Variants in MSRA observed in about 807,000 individuals in gnomAD.
The protein encoded by MSRA is methionine sulfoxide reductase A, also known as mitochondrial peptide methionine sulfoxide reductase.
A neutral mutation model predicts 31.3 loss-of-function variants in MSRA; 54 were observed. The observed-to-expected ratio is 1.73, with a 90% confidence interval of 1.39 to 2.17. MSRA has a LOEUF of 2.17. Among genes scored for constraint, MSRA ranks in the 30% most tolerant of loss-of-function variants. MSRA has a pLI of 0.00. For synonymous variants in MSRA, 169 were observed against 116.5 expected (o/e 1.45, Z -2.90); for missense variants, 507 against 300.9 (o/e 1.69, Z -5.07).
intron 2 of MSRA, among the ~76,000 whole-genome samples, chr8:10,228,565 A>G (rs927228078): frequency 2.6e-5 from 4 of 152,194 alleles, no homozygotes; most frequent in Non-Finnish European, 5.9e-5. Context: ...GGAGGCTGTT[A>G]ATTCAGCTTG....
rs1278410702 is a variant in MSRA at position 10,245,199 on chromosome 8, C to T, written c.307C>T (p.Pro103Ser). The T allele has an allele frequency of 6.2e-7, 1 of 1,612,946 alleles. No individual in the cohort carries two copies. Among genetic ancestry groups the T allele is most frequent in the Non-Finnish European group, 8.5e-7 (1 of 1,179,554 alleles). ...TTTTGCAGGAGGCTATACTTCAAAT[C>T]CTACTTATAAAGAAGTCTGCTCAGG... ...VGFAGGYTSNPTYKEVCSEKT... is the reference protein window; with the variant it reads ...VGFAGGYTSNSTYKEVCSEKT... The change falls in exon 3 of 6, where the codon CCT becomes TCT. Residue 103 changes from proline to serine, a missense_variant. Physicochemically the swap from Pro to Ser is moderately conservative, Grantham distance 74 (BLOSUM62 -1). Coordinates refer to ENST00000317173, the MANE Select transcript of MSRA (RefSeq NM_012331.5).
intron 1 of MSRA, among the ~76,000 whole-genome samples, chr8:10,072,375 A>G (rs1430137286): frequency 2.0e-5 from 3 of 150,640 alleles, no homozygotes; most frequent in South Asian, 2.1e-4. Flanking sequence ...TCCTTTCTCC[A>G]TTGATTTGCT....
intron 5 of MSRA, among the ~76,000 whole-genome samples, chr8:10,405,737 G>A (rs1055487748): frequency 5.9e-5 from 9 of 151,938 alleles, no homozygotes; most frequent in African/African-American, 1.9e-4. Flanking sequence ...AATCACACAC[G>A]TGTGTTCACA....
chr8:10,120,387 T>A (rs1348502886), intron 1 of MSRA, among the ~76,000 whole-genome samples: 2 of 152,182 alleles, frequency 1.3e-5, no homozygotes, highest in Non-Finnish European at 2.9e-5. Context: ...GACCTGTAAT[T>A]TGCCCATCCG....
At chr8:10,172,773 C>T (rs1204087251) in intron 1 of MSRA, among the ~76,000 whole-genome samples, 2 of 152,196 alleles carry the variant, frequency 1.3e-5, no homozygotes, top group Non-Finnish European at 2.9e-5. Flanking sequence ...CTCAGGTTGC[C>T]TGTAGCTCAC....
At chr8:10,108,097 CCCT>C (rs1800015572) in intron 1 of MSRA, among the ~76,000 whole-genome samples, 1 of 152,136 alleles carries the variant, frequency 6.6e-6, no homozygotes, top group Non-Finnish European at 1.5e-5. Flanking sequence ...AGGGAGGCCT[CCCT>C]TAGCCCAGAC....
intron 1 of MSRA, among the ~76,000 whole-genome samples, chr8:10,083,077 C>T (rs1460440108): frequency 6.6e-6 from 1 of 150,988 alleles, no homozygotes; most frequent in Admixed American, 6.7e-5. Context: ...ACCATACTTA[C>T]ATTCTTTGTT....
chr8:10,262,212 A>C (rs973036059), intron 3 of MSRA, among the ~76,000 whole-genome samples: 4 of 152,254 alleles, frequency 2.6e-5, no homozygotes. Flanking sequence ...TTATGTGCAC[A>C]TAAGTTTTTA....
chr8:10,201,726 C>A (rs1002757019), intron 1 of MSRA, among the ~76,000 whole-genome samples: 1 of 152,236 alleles, frequency 6.6e-6, no homozygotes, highest in Non-Finnish European at 1.5e-5. Flanking sequence ...CATGTCCCCC[C>A]GATCCCCTTC....
chr8:10,389,782 A>G (rs1238494582), intron 5 of MSRA, among the ~76,000 whole-genome samples: 1 of 138,026 alleles, frequency 7.2e-6, no homozygotes, highest in African/African-American at 2.7e-5. Flanking sequence ...TTTCCCCAGA[A>G]ACTTACTCTT....
intron 1 of MSRA, among the ~76,000 whole-genome samples, chr8:10,092,518 C>T (rs749494377): frequency 6.6e-6 from 1 of 152,058 alleles, no homozygotes; most frequent in Non-Finnish European, 1.5e-5. Flanking sequence ...GTTAGCTGGG[C>T]ATGGTGGCGC....
intron 2 of MSRA, among the ~76,000 whole-genome samples, chr8:10,228,752 C>G (rs1563244403): frequency 6.6e-6 from 1 of 152,204 alleles, no homozygotes; most frequent in East Asian, 1.9e-4. Flanking sequence ...TCTCTGTTTT[C>G]TCATCCTTAA....
chr8:10,125,859 C>T (rs17151147), intron 1 of MSRA, among the ~76,000 whole-genome samples: 7 of 152,224 alleles, frequency 4.6e-5, no homozygotes, highest in Non-Finnish European at 7.4e-5. Context: ...CACAACAATG[C>T]GTCATCCTTT....
chr8:10,248,188 G>A (rs192561810), intron 3 of MSRA, among the ~76,000 whole-genome samples: 2 of 152,296 alleles, frequency 1.3e-5, no homozygotes, highest in East Asian at 3.9e-4. Context: ...GTATCTGCTT[G>A]CAATTAAGTT....
chr8:10,161,182 G>A (rs2129042068), intron 1 of MSRA, among the ~76,000 whole-genome samples: 1 of 152,180 alleles, frequency 6.6e-6, no homozygotes, highest in South Asian at 2.1e-4. Flanking sequence ...TTGCCGCCTG[G>A]TTCAATGAGG....
At chr8:10,057,503 G>A (rs755351191) in intron 1 of MSRA, among the ~76,000 whole-genome samples, 37 of 152,026 alleles carry the variant, frequency 2.4e-4, no homozygotes, top group Non-Finnish European at 4.7e-4. Context: ...TCTTATTTCC[G>A]GTGAATTATT....
At chr8:10,368,650 A>G (rs1421489477) in intron 5 of MSRA, among the ~76,000 whole-genome samples, 1 of 152,244 alleles carries the variant, frequency 6.6e-6, no homozygotes, top group African/African-American at 2.4e-5. Flanking sequence ...GCACTGTTCC[A>G]CAATGAAAGA....
At chr8:10,163,139 G>A (rs1356216234) in intron 1 of MSRA, among the ~76,000 whole-genome samples, 1 of 152,196 alleles carries the variant, frequency 6.6e-6, no homozygotes, top group East Asian at 1.9e-4. Flanking sequence ...CCAGAAGCGG[G>A]CTTGTACCAG....
chr8:10,338,824 G>A (rs1490828585), intron 5 of MSRA, among the ~76,000 whole-genome samples: 1 of 152,162 alleles, frequency 6.6e-6, no homozygotes, highest in Non-Finnish European at 1.5e-5. Flanking sequence ...CTGCAAAACT[G>A]AGCTAGCAAC....
Sources: gnomAD v4.1 joint callset for allele counts (sites outside exome capture counted in the v4.1 genomes callset) on GRCh38, gnomAD v4.1.1 for gene constraint, MANE v1.5 for transcripts, NCBI Gene and HGNC (gene_info 2026-07-23, HGNC 2026-07-21) for gene names.